MYT1L: variants seen among roughly 807,000 people sequenced by gnomAD.
MYT1L encodes the protein myelin transcription factor 1-like protein.
In MYT1L, 12 loss-of-function variants were observed where a neutral mutation model predicts 126.7. The observed-to-expected ratio is 0.09, with a 90% CI of 0.06 to 0.15. The LOEUF (loss-of-function observed/expected upper bound fraction) is 0.15, where lower values mean the gene tolerates loss of function less well. MYT1L is among the 10% of genes least tolerant of loss of function. The pLI is 1.00. For synonymous variants in MYT1L, 541 were observed against 604.2 expected (o/e 0.90, Z 1.53); for missense variants, 979 against 1,585.2 (o/e 0.62, Z 6.49).
At chr2:2,067,636 T>C (rs1238114219) in intron 3 of MYT1L, among the ~76,000 whole-genome samples, 2 of 151,956 alleles carry the variant, frequency 1.3e-5, no homozygotes, top group Non-Finnish European at 2.9e-5. Flanking sequence ...TACTTAAACC[T>C]TGGAGTAAGG....
intron 4 of MYT1L, among the ~76,000 whole-genome samples, chr2:2,018,788 T>C (rs1270961475): frequency 1.3e-5 from 2 of 152,140 alleles, no homozygotes; most frequent in Non-Finnish European, 2.9e-5. Flanking sequence ...CCAATGTTTG[T>C]ATAGGAGGCT....
chr2:1,954,454 C>T (rs942992582), intron 8 of MYT1L, among the ~76,000 whole-genome samples: 12 of 152,180 alleles, frequency 7.9e-5, no homozygotes, highest in Admixed American at 2.0e-4. Flanking sequence ...ACCATGCATA[C>T]GTCCACACCA....
intron 4 of MYT1L, among the ~76,000 whole-genome samples, chr2:2,044,832 C>G (rs12479441): frequency 1.3e-5 from 2 of 152,140 alleles, no homozygotes; most frequent in African/African-American, 4.8e-5. Context: ...GTTCCCGATG[C>G]CTCAACCCCT....
chr2:2,095,441 C>G (rs748982697), intron 3 of MYT1L, among the ~76,000 whole-genome samples: 4 of 152,132 alleles, frequency 2.6e-5, no homozygotes, highest in Admixed American at 2.0e-4. Flanking sequence ...AGGACTGTGG[C>G]GTCATAAGAA....
intron 2 of MYT1L, among the ~76,000 whole-genome samples, chr2:2,262,135 A>C (rs2094983902): frequency 6.6e-6 from 1 of 152,192 alleles, no homozygotes; most frequent in Admixed American, 6.5e-5. Context: ...CAGCTAGAAT[A>C]GTGTCTGACA....
At position 1,943,180 on chromosome 2, in the gene MYT1L, C is replaced by T; in HGVS notation, c.307G>A (p.Glu103Lys). Residue 103 changes from glutamate to lysine, a missense_variant, in exon 9 of 25, where the codon GAG (glutamate) becomes AAG (lysine). Transcript: ENST00000647738. The surrounding 1 kb of genome is among the most constrained non-coding windows in gnomAD (Gnocchi z 4.4). The part of the protein sequence containing the change: ...SDGTEDMDEK[E>K]EDEGEEYSED... Reference sequence around the variant, plus strand: ...GAGTACTCCTCCCCCTCATCCTCCTCCTTCTCATCCATGTCCTCAGTCCCA... The same window carrying T: ...GAGTACTCCTCCCCCTCATCCTCCTTCTTCTCATCCATGTCCTCAGTCCCA... 1 of 1,551,626 alleles carries T rather than the reference C, an allele frequency of 6.4e-7. No individual in the cohort carries two copies. The highest frequency in any genetic ancestry group is 1.4e-5 in the African/African-American group (1 of 73,114).
At chr2:1,934,291 C>CACACATATATAT (rs1553335117) in intron 9 of MYT1L, among the ~76,000 whole-genome samples, 1 of 123,556 alleles carries the variant, frequency 8.1e-6, no homozygotes. Flanking sequence ...ATTTTTATAA[C>CACACATATATAT]ATATATATAT....
intron 2 of MYT1L, among the ~76,000 whole-genome samples, chr2:2,240,247 C>T (rs1017410057): frequency 2.6e-5 from 4 of 152,076 alleles, no homozygotes; most frequent in Non-Finnish European, 5.9e-5. Flanking sequence ...GAGCTGAGAT[C>T]ATAGCATTGT....
At chr2:2,002,731 A>G (rs1332937930) in intron 4 of MYT1L, among the ~76,000 whole-genome samples, 1 of 152,140 alleles carries the variant, frequency 6.6e-6, no homozygotes, top group Non-Finnish European at 1.5e-5. Context: ...TAATCCCCAT[A>G]GTCCCCACAT....
At chr2:2,225,768 A>C (rs373310346) in intron 2 of MYT1L, among the ~76,000 whole-genome samples, 68 of 152,282 alleles carry the variant, frequency 4.5e-4, no homozygotes, top group African/African-American at 1.4e-3. Flanking sequence ...GTAAAAAAAA[A>C]TATCATGGAG....
At chr2:1,870,124 G>C (rs764022785) in intron 18 of MYT1L, among the ~76,000 whole-genome samples, 3 of 152,184 alleles carry the variant, frequency 2.0e-5, no homozygotes, top group Non-Finnish European at 4.4e-5. Flanking sequence ...TGAAGATGCT[G>C]ACTCTAGTAA....
At chr2:2,080,753 G>A (rs2150313351) in intron 3 of MYT1L, among the ~76,000 whole-genome samples, 1 of 152,280 alleles carries the variant, frequency 6.6e-6, no homozygotes, top group African/African-American at 2.4e-5. Context: ...TTGCAGGTGG[G>A]AATATAAAAT....
intron 3 of MYT1L, among the ~76,000 whole-genome samples, chr2:2,057,024 C>T (rs1036063029): frequency 3.3e-5 from 5 of 152,244 alleles, no homozygotes; most frequent in South Asian, 2.1e-4. Context: ...TCTCAGTGTC[C>T]GCCAATGACA....
chr2:2,313,143 C>G (rs907069372), intron 1 of MYT1L, among the ~76,000 whole-genome samples: 1 of 152,086 alleles, frequency 6.6e-6, no homozygotes, highest in Non-Finnish European at 1.5e-5. Flanking sequence ...TTCAATACAT[C>G]AATTAAGGCA....
At chr2:2,151,059 A>G (rs1484421839) in intron 3 of MYT1L, among the ~76,000 whole-genome samples, 1 of 152,118 alleles carries the variant, frequency 6.6e-6, no homozygotes, top group Non-Finnish European at 1.5e-5. Flanking sequence ...ACCTCTTTAC[A>G]CTCTTGAAGT....
At chr2:2,154,708 A>T (rs879532717) in intron 3 of MYT1L, among the ~76,000 whole-genome samples, 2 of 152,240 alleles carry the variant, frequency 1.3e-5, no homozygotes, top group African/African-American at 2.4e-5. Context: ...GGAGAGGAGC[A>T]GGAAAAATAA....
intron 1 of MYT1L, among the ~76,000 whole-genome samples, chr2:2,292,727 G>A (rs1311677635): frequency 2.0e-5 from 3 of 152,242 alleles, no homozygotes; most frequent in East Asian, 1.9e-4. Flanking sequence ...TAAAAAAGAC[G>A]AAGTGGTTCT....
intron 3 of MYT1L, among the ~76,000 whole-genome samples, chr2:2,153,589 A>G (rs1392996540): frequency 2.6e-5 from 4 of 152,204 alleles, no homozygotes; most frequent in African/African-American, 9.6e-5. Context: ...AATCTTTACT[A>G]AGGGATCGAT....
At chr2:2,007,454 C>T (rs950048286) in intron 4 of MYT1L, among the ~76,000 whole-genome samples, 7 of 152,262 alleles carry the variant, frequency 4.6e-5, no homozygotes, top group Admixed American at 1.3e-4. Flanking sequence ...ACTGTCTGTG[C>T]CTTTCTCCAA....
Sources: gnomAD v4.1 joint callset for allele counts (sites outside exome capture counted in the v4.1 genomes callset) on GRCh38, gnomAD v4.1.1 for gene constraint, Gnocchi (gnomAD v3.1) non-coding constraint, MANE v1.5 for transcripts, NCBI Gene and HGNC (gene_info 2026-07-23, HGNC 2026-07-21) for gene names.